SNTG2: variants seen among roughly 807,000 people sequenced by gnomAD.
SNTG2 encodes syntrophin gamma 2.
A neutral mutation model predicts 70.9 loss-of-function variants in SNTG2; 74 were observed. The observed-to-expected ratio is 1.04, with a 90% CI of 0.86 to 1.27. The LOEUF (loss-of-function observed/expected upper bound fraction) is 1.27, where lower values mean the gene tolerates loss of function less well. Among genes scored for constraint, SNTG2 ranks in the 50% most tolerant of loss-of-function variants. SNTG2 has a pLI of 0.00. For missense variants in SNTG2, 717 were observed against 690.7 expected (o/e 1.04, Z -0.43); for synonymous variants, 278 against 273.8 (o/e 1.02, Z -0.15).
At chr2:959,871 T>A (rs1161403917) in intron 1 of SNTG2, among the ~76,000 whole-genome samples, 3 of 151,868 alleles carry the variant, frequency 2.0e-5, no homozygotes, top group Admixed American at 6.6e-5. Context: ...AAAGTGAATA[T>A]GAGATGGAAA....
At chr2:1,259,472 A>G in intron 13 of SNTG2, 31 bp downstream of exon 13, 2 of 1,573,236 alleles carry the variant, frequency 1.3e-6, no homozygotes, top group Non-Finnish European at 8.7e-7. Flanking sequence ...AGATGCTTTC[A>G]TACAAATAAG....
chr2:1,138,430 A>G (rs1668537148), intron 6 of SNTG2, among the ~76,000 whole-genome samples: 1 of 152,156 alleles, frequency 6.6e-6, no homozygotes, highest in Non-Finnish European at 1.5e-5. Flanking sequence ...TGTTGGGAAG[A>G]GAGAAGCCGA....
At chr2:1,006,884 C>T (rs1659589398) in intron 1 of SNTG2, among the ~76,000 whole-genome samples, 1 of 151,936 alleles carries the variant, frequency 6.6e-6, no homozygotes, top group South Asian at 2.1e-4. Context: ...ACAATATTAG[C>T]CAGGCATGGT....
intron 1 of SNTG2, among the ~76,000 whole-genome samples, chr2:1,016,426 A>G (rs1401563498): frequency 6.6e-6 from 1 of 152,148 alleles, no homozygotes; most frequent in Admixed American, 6.5e-5. Context: ...TTTTTAGTAG[A>G]GATGGGGTTT....
intron 13 of SNTG2, among the ~76,000 whole-genome samples, chr2:1,264,548 G>C (rs1054700206): frequency 6.6e-6 from 1 of 152,224 alleles, no homozygotes; most frequent in African/African-American, 2.4e-5. Context: ...AAGCTGAATT[G>C]TTTGCTGTGC....
intron 1 of SNTG2, among the ~76,000 whole-genome samples, chr2:1,029,705 G>T (rs1337630411): frequency 6.6e-6 from 1 of 152,128 alleles, no homozygotes; most frequent in Non-Finnish European, 1.5e-5. Flanking sequence ...TCATTCTGGT[G>T]CCCCCTCAGT....
intron 1 of SNTG2, among the ~76,000 whole-genome samples, chr2:995,197 A>G (rs1233163881): frequency 6.6e-6 from 1 of 151,926 alleles, no homozygotes; most frequent in Non-Finnish European, 1.5e-5. Context: ...TTTACTATGG[A>G]TTTTCCACAG....
intron 4 of SNTG2, among the ~76,000 whole-genome samples, chr2:1,119,066 T>A (rs886881966): frequency 2.0e-5 from 3 of 152,196 alleles, no homozygotes; most frequent in Non-Finnish European, 1.5e-5. Context: ...TCCATTAGTC[T>A]ATCAGTGGAT....
intron 14 of SNTG2, among the ~76,000 whole-genome samples, chr2:1,274,224 A>T (rs1444657492): frequency 6.6e-6 from 1 of 152,238 alleles, no homozygotes; most frequent in Non-Finnish European, 1.5e-5. Flanking sequence ...AGTGTCTTAA[A>T]TGTAAAGACA....
intron 1 of SNTG2, among the ~76,000 whole-genome samples, chr2:986,106 A>AGAGAGAGG (rs1380190045): frequency 6.8e-6 from 1 of 146,050 alleles, no homozygotes; most frequent in Admixed American, 6.8e-5. Context: ...AGAGAGAGAG[A>AGAGAGAGG]GAGATCAGAG....
At chr2:1,212,089 C>T (rs892750521) in intron 9 of SNTG2, among the ~76,000 whole-genome samples, 1 of 152,100 alleles carries the variant, frequency 6.6e-6, no homozygotes, top group Non-Finnish European at 1.5e-5. Flanking sequence ...ATCTGTGTCC[C>T]CACCCAAACC....
intron 1 of SNTG2, among the ~76,000 whole-genome samples, chr2:998,170 G>A (rs1037149976): frequency 1.3e-5 from 2 of 152,054 alleles, no homozygotes; most frequent in African/African-American, 4.8e-5. Flanking sequence ...CCAAATGAAA[G>A]TAAATTCAAA....
chr2:1,178,081 T>C (rs1671604562), intron 8 of SNTG2, among the ~76,000 whole-genome samples: 1 of 152,148 alleles, frequency 6.6e-6, no homozygotes. Context: ...AGACTCAAAA[T>C]CCTGTAAGAA....
intron 12 of SNTG2, among the ~76,000 whole-genome samples, chr2:1,255,862 AAATATATAT>A (rs1558602552): frequency 6.8e-5 from 3 of 44,428 alleles, no homozygotes; most frequent in African/African-American, 3.8e-4. Flanking sequence ...AAATATATAT[AAATATATAT>A]AAATATATAT....
chr2:1,309,757 T>C (rs1000296033), intron 15 of SNTG2, among the ~76,000 whole-genome samples: 3 of 152,244 alleles, frequency 2.0e-5, no homozygotes, highest in Admixed American at 1.3e-4. Context: ...CAATAGCACA[T>C]ATTTGCATAA....
intron 8 of SNTG2, among the ~76,000 whole-genome samples, chr2:1,196,348 G>T (rs1405326198): frequency 3.3e-5 from 5 of 152,006 alleles, no homozygotes; most frequent in Non-Finnish European, 7.4e-5. Flanking sequence ...AAATAAAAAA[G>T]AATGAAGAAA....
intron 13 of SNTG2, chr2:1,262,766 C>T (rs75216950): frequency 9.2e-5 from 13 of 140,668 alleles, no homozygotes; most frequent in African/African-American, 2.8e-4. Context: ...CGAGGCAACC[C>T]GAAGGCTCCG....
chr2:1,362,139 C>T (rs36044272), intron 16 of SNTG2, among the ~76,000 whole-genome samples: 71,608 of 108,842 alleles, frequency 0.66, 23,147 homozygotes, highest in East Asian at 0.87. Flanking sequence ...AGAACTTCCA[C>T]GAAGGTCACC....
At chr2:1,010,086 G>A (rs1294405698) in intron 1 of SNTG2, among the ~76,000 whole-genome samples, 3 of 152,068 alleles carry the variant, frequency 2.0e-5, no homozygotes, top group African/African-American at 7.2e-5. Context: ...CTGATAATGA[G>A]ATCTTTATAA....
Sources: allele counts gnomAD v4.1 joint callset (sites outside exome capture counted in the v4.1 genomes callset), GRCh38; gene constraint gnomAD v4.1.1; transcripts MANE v1.5; gene names NCBI Gene and HGNC (gene_info 2026-07-23, HGNC 2026-07-21).